The following PHLPP1 variants were observed in gnomAD, a reference collection of about 807,000 sequenced individuals.
PHLPP1 encodes the protein PH domain leucine-rich repeat-containing protein phosphatase 1.
A neutral mutation model predicts 117.2 loss-of-function variants in PHLPP1; 42 were observed. That is an observed-to-expected ratio of 0.36 (90% CI 0.28 to 0.46). The LOEUF is 0.46. Among genes scored for constraint, PHLPP1 ranks in the 20% least tolerant of loss-of-function variants. PHLPP1 has a pLI of 1.00. For missense variants in PHLPP1, 2,084 were observed against 2,241.9 expected (o/e 0.93, Z 1.42); for synonymous variants, 1,042 against 970.7 (o/e 1.07, Z -1.37).
intron 2 of PHLPP1, 44 bp from the exon 3 acceptor site, chr18:62,838,740 C>G (rs550556507): frequency 1.8e-5 from 29 of 1,605,054 alleles, no homozygotes; most frequent in Non-Finnish European, 1.3e-5. Context: ...ATCAGTGGTT[C>G]TGCTGTCTGA....
At chr18:62,854,093 T>C (rs1248103932) in intron 3 of PHLPP1, among the ~76,000 whole-genome samples, 1 of 152,196 alleles carries the variant, frequency 6.6e-6, no homozygotes, top group African/African-American at 2.4e-5. Context: ...CTACCCCACA[T>C]ACTGTTAAGC....
chr18:62,928,146 T>C (rs1019322085), intron 10 of PHLPP1, among the ~76,000 whole-genome samples: 3 of 152,138 alleles, frequency 2.0e-5, no homozygotes, highest in Non-Finnish European at 4.4e-5. Flanking sequence ...TATAGAAAAC[T>C]GTTAAACATG....
At chr18:62,831,535 C>T (rs1008971315) in intron 2 of PHLPP1, among the ~76,000 whole-genome samples, 30 of 152,064 alleles carry the variant, frequency 2.0e-4, no homozygotes, top group African/African-American at 6.8e-4. Flanking sequence ...GACAGGGTTT[C>T]ACCATGTTAG....
chr18:62,952,259 CTT>C (rs750448581), intron 12 of PHLPP1, among the ~76,000 whole-genome samples: 7 of 152,100 alleles, frequency 4.6e-5, no homozygotes, highest in Non-Finnish European at 1.0e-4. Flanking sequence ...GACCTTGTCT[CTT>C]TGGGGATAAA....
intron 12 of PHLPP1, among the ~76,000 whole-genome samples, chr18:62,948,479 G>C (rs532858471): frequency 2.0e-5 from 3 of 152,042 alleles, no homozygotes; most frequent in Non-Finnish European, 4.4e-5. Context: ...TTCCCCTGTT[G>C]TCTTCTCTCT....
At chr18:62,894,056 A>G (rs1301669053) in intron 4 of PHLPP1, among the ~76,000 whole-genome samples, 1 of 152,184 alleles carries the variant, frequency 6.6e-6, no homozygotes, top group Non-Finnish European at 1.5e-5. Flanking sequence ...AAACCTATCT[A>G]TGAAGATTAC....
At position 62,967,548 on chromosome 18, in the gene PHLPP1, A is replaced by G. The variant is rs1400908091; in HGVS notation, c.3560+4076A>G. ...GGTGAAAACTTGTTCATTCACAATC[A>G]AATGTGATGTTAGCTCTCGGTATTT... On this transcript the variant is annotated intron_variant, in intron 14 of 16. Coordinates refer to ENST00000262719, the MANE Select transcript of PHLPP1 (RefSeq NM_194449.4). Among the ~76,000 whole-genome samples the G allele has an allele frequency of 2.0e-5, 3 of 152,182 alleles. No individual in the cohort carries two copies. In the South Asian group the frequency reaches 6.2e-4, roughly 32 times the overall value.
intron 12 of PHLPP1, among the ~76,000 whole-genome samples, chr18:62,945,773 C>T (rs141067471): frequency 5.3e-5 from 8 of 152,252 alleles, no homozygotes; most frequent in Non-Finnish European, 7.3e-5. Flanking sequence ...TTGATTTCAA[C>T]GGAATGAAAT....
chr18:62,890,644 A>G (rs913220663), intron 4 of PHLPP1, among the ~76,000 whole-genome samples: 1 of 152,166 alleles, frequency 6.6e-6, no homozygotes, highest in Non-Finnish European at 1.5e-5. Flanking sequence ...CAGGAGTGAT[A>G]TCATCCTAGT....
At chr18:62,969,026 A>T (rs1910980985) in intron 14 of PHLPP1, among the ~76,000 whole-genome samples, 1 of 151,246 alleles carries the variant, frequency 6.6e-6, no homozygotes, top group African/African-American at 2.4e-5. Context: ...CACATTTCTT[A>T]TGTTTTAATT....
chr18:62,979,534 C>T lies in PHLPP1; in HGVS notation c.*103C>T. The T allele has an allele frequency of 2.3e-6, 3 of 1,287,206 alleles. No homozygotes were observed. Among genetic ancestry groups the T allele is most frequent in the Non-Finnish European group, 3.2e-6 (3 of 944,050 alleles). 79.7% of individuals were successfully genotyped at this position (1,287,206 alleles called of 1,614,324 possible). On this transcript the variant is annotated 3_prime_UTR_variant, in exon 17 of 17. Coordinates refer to ENST00000262719, the MANE Select transcript of PHLPP1 (RefSeq NM_194449.4). ...GGGGTTTTACTCCACATCCTTCCCC[C>T]AGACACTGTTCCCAACCTGTCATCG...
chr18:62,721,425 T>TGTGG (rs953935125), intron 1 of PHLPP1, among the ~76,000 whole-genome samples: 1 of 150,412 alleles, frequency 6.6e-6, no homozygotes, highest in Admixed American at 6.6e-5. Context: ...TTTTGAGGGG[T>TGTGG]GTGGGTGTGT....
Position 62,979,201 on chromosome 18 carries a change from G to A in PHLPP1, c.4924G>A (p.Asp1642Asn). The change falls in exon 17 of 17, where the codon GAC (aspartate) becomes AAC (asparagine). Residue 1642 changes from aspartate to asparagine, a missense_variant. Asp to Asn is a conservative substitution (Grantham distance 23). Around this residue, in one of 2 missense-constraint regions of PHLPP1, gnomAD observed 1,365 missense variants for 1,605.9 expected, o/e 0.85. Coordinates refer to ENST00000262719, the MANE Select transcript of PHLPP1 (RefSeq NM_194449.4). ...RSHNVIEVAT[D>N]APLRKPGGYF... is the part of the protein sequence containing the mutation. Reference sequence around the variant, plus strand: ...CCACAATGTGATAGAGGTGGCTACAGACGCACCTCTTCGAAAGCCTGGAGG... The same window carrying A: ...CCACAATGTGATAGAGGTGGCTACAAACGCACCTCTTCGAAAGCCTGGAGG... 6.2e-6 allele frequency: 10 copies of A among 1,612,914 alleles called. No homozygotes were observed. The highest frequency in any genetic ancestry group is 8.5e-6 in the Non-Finnish European group (10 of 1,179,388).
intron 4 of PHLPP1, among the ~76,000 whole-genome samples, chr18:62,871,336 G>T (rs1915895378): frequency 6.6e-6 from 1 of 151,348 alleles, no homozygotes; most frequent in Admixed American, 6.6e-5. Context: ...TTTTGTTTTT[G>T]TTTTTTTTGA....
At chr18:62,873,750 C>T (rs1208142063) in intron 4 of PHLPP1, among the ~76,000 whole-genome samples, 1 of 152,082 alleles carries the variant, frequency 6.6e-6, no homozygotes, top group Non-Finnish European at 1.5e-5. Context: ...ACCAGTTTTA[C>T]CATAGGTTAA....
chr18:62,853,804 C>T lies in PHLPP1; in HGVS notation c.1900-6631C>T, dbSNP rs9959072. 1.9e-3 allele frequency among the ~76,000 whole-genome samples: 296 copies of T among 152,294 alleles called. 1 individual carries two copies. Among genetic ancestry groups the T allele is most frequent in the African/African-American group, 6.8e-3 (282 of 41,570 alleles). On this transcript the variant is annotated intron_variant, in intron 3 of 16. Coordinates refer to ENST00000262719, the MANE Select transcript of PHLPP1 (RefSeq NM_194449.4). ...GTTTATCCTTATAACTGCTCAACGA[C>T]GAGAGCATTGGCTTACATCGTAGTC...
At chr18:62,739,600 G>A (rs1911464718) in intron 1 of PHLPP1, among the ~76,000 whole-genome samples, 1 of 152,290 alleles carries the variant, frequency 6.6e-6, no homozygotes, top group African/African-American at 2.4e-5. Flanking sequence ...TATCCTGAAG[G>A]GAGAGAGGGA....
At chr18:62,830,008 T>C (rs1427077957) in intron 1 of PHLPP1, 27 bp from the exon 2 acceptor site, 5 of 1,568,566 alleles carry the variant, frequency 3.2e-6, no homozygotes, top group Non-Finnish European at 4.3e-6. Context: ...TTTAAAAGAA[T>C]AACATGTTTG....
At chr18:62,811,092 G>A (rs2144311458) in intron 1 of PHLPP1, among the ~76,000 whole-genome samples, 1 of 152,338 alleles carries the variant, frequency 6.6e-6, no homozygotes, top group Middle Eastern at 3.4e-3. Context: ...GTTTTGCTGG[G>A]TTTGAGAATG....
Sources: gnomAD v4.1 joint callset for allele counts (sites outside exome capture counted in the v4.1 genomes callset) on GRCh38, gnomAD v4.1.1 for gene constraint, gnomAD v4.1.1 regional missense constraint, MANE v1.5 for transcripts, NCBI Gene and HGNC (gene_info 2026-07-23, HGNC 2026-07-21) for gene names.